The following SPATA13 variants were observed in gnomAD, a reference collection of about 807,000 sequenced individuals.
The protein encoded by SPATA13 is spermatogenesis-associated protein 13.
Under a neutral mutation model 104.0 loss-of-function variants are expected in SPATA13, and 50 were observed. That is an observed-to-expected ratio of 0.48 (90% CI 0.38 to 0.61). The LOEUF (loss-of-function observed/expected upper bound fraction) is 0.61, where lower values mean the gene tolerates loss of function less well. SPATA13 is among the 20% of genes least tolerant of loss of function. SPATA13 has a pLI of 0.00. For synonymous variants in SPATA13, 606 were observed against 667.5 expected (o/e 0.91, Z 1.42); for missense variants, 1,524 against 1,690.6 (o/e 0.90, Z 1.73).
intron 3 of SPATA13, among the ~76,000 whole-genome samples, chr13:24,019,471 A>G (rs1318215429): frequency 6.6e-6 from 1 of 152,226 alleles, no homozygotes; most frequent in Non-Finnish European, 1.5e-5. Flanking sequence ...AAATTTCTGC[A>G]TACTTTTGTA....
intron 1 of SPATA13, among the ~76,000 whole-genome samples, chr13:24,174,140 G>A (rs1883114269): frequency 6.6e-6 from 1 of 152,154 alleles, no homozygotes; most frequent in African/African-American, 2.4e-5. Flanking sequence ...TTTCCTTAAT[G>A]GTTAAGGGCT....
intron 2 of SPATA13, among the ~76,000 whole-genome samples, chr13:24,248,343 T>C (rs1873279998): frequency 2.0e-5 from 3 of 152,246 alleles, no homozygotes; most frequent in Admixed American, 2.0e-4. Context: ...CAGAGCCAGA[T>C]CACAGAAGTT....
At chr13:24,140,124 C>T (rs1053986856) in intron 3 of SPATA13, among the ~76,000 whole-genome samples, 7 of 152,072 alleles carry the variant, frequency 4.6e-5, no homozygotes. Flanking sequence ...TCTAAGGCTC[C>T]TGCCAATGCT....
intron 4 of SPATA13, among the ~76,000 whole-genome samples, chr13:24,259,256 C>G (rs549029548): frequency 6.6e-6 from 1 of 152,238 alleles, no homozygotes; most frequent in Non-Finnish European, 1.5e-5. Context: ...ATCAGTGCAT[C>G]TTTCTGCTGC....
intron 3 of SPATA13, among the ~76,000 whole-genome samples, chr13:24,143,570 T>A (rs1040299927): frequency 4.6e-5 from 7 of 152,202 alleles, no homozygotes; most frequent in African/African-American, 1.7e-4. Context: ...AAAAAGTTGC[T>A]CCTTTCCAAG....
chr13:24,080,513 T>G (rs978337962), intron 3 of SPATA13, among the ~76,000 whole-genome samples: 2 of 152,170 alleles, frequency 1.3e-5, no homozygotes, highest in African/African-American at 4.8e-5. Flanking sequence ...GAAGGGAGGA[T>G]GGGGATCACT....
chr13:24,157,748 C>T (rs916013161), upstream of SPATA13, among the ~76,000 whole-genome samples: 1 of 152,176 alleles, frequency 6.6e-6, no homozygotes, highest in Non-Finnish European at 1.5e-5. Context: ...ATGGAACTTT[C>T]AGCAGATGGA....
intron 1 of SPATA13, 48 bp from the exon 2 acceptor site, chr13:24,222,771 C>T (rs1423063009): frequency 6.9e-7 from 1 of 1,458,312 alleles, no homozygotes; most frequent in Non-Finnish European, 9.2e-7. Flanking sequence ...AGCAGAGGGG[C>T]TACTGCGTGG....
chr13:24,173,398 GT>G (rs1883074973), intron 1 of SPATA13, among the ~76,000 whole-genome samples: 1 of 140,414 alleles, frequency 7.1e-6, no homozygotes, highest in African/African-American at 2.6e-5. Context: ...GTGTGTGTGT[GT>G]GTGGTAGATT....
intron 5 of SPATA13, among the ~76,000 whole-genome samples, chr13:24,285,221 A>G (rs1003266709): frequency 2.6e-5 from 4 of 152,136 alleles, no homozygotes; most frequent in Non-Finnish European, 5.9e-5. Context: ...ATTGTTAACG[A>G]TCTCAAGATC....
At chr13:24,217,065 CAAACAA>C (rs1293524274) in intron 1 of SPATA13, among the ~76,000 whole-genome samples, 4 of 151,742 alleles carry the variant, frequency 2.6e-5, no homozygotes, top group African/African-American at 4.8e-5. Context: ...ACAAAACAAA[CAAACAA>C]AAACAAAAAC....
intron 2 of SPATA13, among the ~76,000 whole-genome samples, chr13:24,006,108 C>T (rs922726747): frequency 6.6e-6 from 1 of 152,150 alleles, no homozygotes; most frequent in Non-Finnish European, 1.5e-5. Context: ...GAGAGACAGC[C>T]ACTTTGTGAG....
At chr13:24,112,748 A>T (rs1354681441) in intron 3 of SPATA13, among the ~76,000 whole-genome samples, 1 of 152,146 alleles carries the variant, frequency 6.6e-6, no homozygotes, top group African/African-American at 2.4e-5. Flanking sequence ...CTCTGCCTTC[A>T]TGGGCTGGGC....
intron 1 of SPATA13, among the ~76,000 whole-genome samples, chr13:24,164,849 G>C (rs1408625196): frequency 6.6e-6 from 1 of 152,190 alleles, no homozygotes; most frequent in Non-Finnish European, 1.5e-5. Context: ...CTGGAGAGGA[G>C]AGACCAGGGG....
At chr13:24,089,486 C>T (rs1395294718) in intron 3 of SPATA13, among the ~76,000 whole-genome samples, 4 of 152,274 alleles carry the variant, frequency 2.6e-5, no homozygotes, top group Non-Finnish European at 5.9e-5. Flanking sequence ...ACAGTTCTCC[C>T]GGTTCTGTAT....
intron 9 of SPATA13, among the ~76,000 whole-genome samples, chr13:24,294,265 C>T (rs1876601224): frequency 1.3e-5 from 2 of 152,196 alleles, no homozygotes; most frequent in African/African-American, 4.8e-5. Flanking sequence ...CTTCAGGTGC[C>T]TGTCCTCTCC....
At chr13:24,004,320 C>A (rs944750466) in intron 2 of SPATA13, among the ~76,000 whole-genome samples, 1 of 152,208 alleles carries the variant, frequency 6.6e-6, no homozygotes. Flanking sequence ...CCTATCTGCG[C>A]ACTTTGAACA....
chr13:24,193,451 G>A (rs1869884030), intron 1 of SPATA13, among the ~76,000 whole-genome samples: 1 of 152,204 alleles, frequency 6.6e-6, no homozygotes, highest in Admixed American at 6.5e-5. Context: ...TGAGTGTGAG[G>A]AGTGAGGCCT....
chr13:24,247,744 A>G (rs1873231519), intron 2 of SPATA13, among the ~76,000 whole-genome samples: 1 of 151,954 alleles, frequency 6.6e-6, no homozygotes, highest in Non-Finnish European at 1.5e-5. Context: ...TGGCCTCCCA[A>G]AGTGCTGGGA....
Sources: gnomAD v4.1 joint callset for allele counts (sites outside exome capture counted in the v4.1 genomes callset) on GRCh38, gnomAD v4.1.1 for gene constraint, MANE v1.5 for transcripts, NCBI Gene and HGNC (gene_info 2026-07-23, HGNC 2026-07-21) for gene names.